The following HSPA4L variants were observed in gnomAD, a reference collection of about 807,000 sequenced individuals.
The protein encoded by HSPA4L is heat shock 70 kDa protein 4L.
A neutral mutation model predicts 100.3 loss-of-function variants in HSPA4L; 48 were observed. The observed-to-expected ratio is 0.48, with a 90% CI of 0.38 to 0.61. The LOEUF (loss-of-function observed/expected upper bound fraction) is 0.61, where lower values mean the gene tolerates loss of function less well. Ranked by LOEUF, HSPA4L falls within the 20% of genes least tolerant of loss-of-function variation. The pLI, the probability that HSPA4L is intolerant of heterozygous loss-of-function variation, is 0.00. For missense variants in HSPA4L, 886 were observed against 988.6 expected, an observed-to-expected ratio of 0.90 and a Z score of 1.39; for synonymous variants, 319 against 328.2, an observed-to-expected ratio of 0.97 and a Z score of 0.30.
intron 15 of HSPA4L, among the ~76,000 whole-genome samples, chr4:127,823,154 T>A (rs890486769): frequency 2.0e-5 from 3 of 151,936 alleles, no homozygotes; most frequent in African/African-American, 7.3e-5. Context: ...ATTTTTTTTT[T>A]ATTTATTTAT....
intron 1 of HSPA4L, chr4:127,783,586 A>AAT (rs1732629897): frequency 1.3e-6 from 2 of 1,532,474 alleles, no homozygotes; most frequent in South Asian, 2.4e-5. Context: ...GTAATTCTGA[A>AAT]ATATGAAAAA....
At chr4:127,812,300 T>TCAG (rs1733553049) in intron 12 of HSPA4L, among the ~76,000 whole-genome samples, 1 of 151,176 alleles carries the variant, frequency 6.6e-6, no homozygotes, top group Non-Finnish European at 1.5e-5. Context: ...TCCCAGCTAC[T>TCAG]CAGGAGGCTG....
intron 17 of HSPA4L, 63 bp downstream of exon 17, chr4:127,827,487 A>C: frequency 6.4e-7 from 1 of 1,570,718 alleles, no homozygotes; most frequent in Admixed American, 1.7e-5. Context: ...AATGGGGCAA[A>C]TCTAAAAGTT....
chr4:127,813,100 T>G (rs138877801), intron 12 of HSPA4L: 679 of 1,260,344 alleles, frequency 5.4e-4, no homozygotes, highest in Non-Finnish European at 7.5e-4. Context: ...ACCTTTCTTA[T>G]AGATTCGCAT....
chr4:127,786,613 A>C (rs1560649270), intron 1 of HSPA4L, among the ~76,000 whole-genome samples: 1 of 152,120 alleles, frequency 6.6e-6, no homozygotes, highest in Non-Finnish European at 1.5e-5. Flanking sequence ...CTACAGGTGC[A>C]TGCCACCATG....
chr4:127,806,192 C>T (rs1482308751), intron 10 of HSPA4L, among the ~76,000 whole-genome samples: 2 of 151,906 alleles, frequency 1.3e-5, no homozygotes, highest in Non-Finnish European at 2.9e-5. Context: ...CTATAAATCT[C>T]TAGTGCAACT....
chr4:127,783,849 C>A (rs1732637780), intron 1 of HSPA4L, among the ~76,000 whole-genome samples: 1 of 152,170 alleles, frequency 6.6e-6, no homozygotes, highest in African/African-American at 2.4e-5. Flanking sequence ...TTGAAGCAGT[C>A]TGTGCTTTGA....
Position 127,832,836 on chromosome 4 carries a change from C to T in HSPA4L, c.2482C>T (p.Gln828Ter), listed in dbSNP as rs1352590186. 6.2e-7 allele frequency: 1 copy of T among 1,612,342 alleles called. No individual in the cohort carries two copies. The highest frequency in any genetic ancestry group is 1.3e-5 in the African/African-American group (1 of 74,872). Residue 828 changes from glutamine (Q) to a stop codon, truncating the protein, a stop_gained, in exon 19 of 19, where the codon CAG becomes TAG. Coordinates refer to ENST00000296464, the MANE Select transcript of HSPA4L (RefSeq NM_014278.4). LOFTEE classifies it high-confidence loss of function. ...ATCAGATTCAACAAAAGACAGCTCACAGCATACTAAATCCTCTGGAGAGAT... is the reference window on the plus strand; with the variant it reads ...ATCAGATTCAACAAAAGACAGCTCATAGCATACTAAATCCTCTGGAGAGAT... ...TKSDSTKDSSQHTKSSGEMEV... is the reference protein window; with the variant it reads ...TKSDSTKDSS
Position 127,788,777 on chromosome 4 carries a change from A to C in HSPA4L, c.108-5300A>C, listed in dbSNP as rs552620742. 7.9e-5 allele frequency among the ~76,000 whole-genome samples: 12 copies of C among 152,356 alleles called. No homozygotes were observed. The East Asian group carries it at 2.1e-3, about 27-fold the overall frequency. On this transcript the variant is annotated intron_variant, in intron 1 of 18. Coordinates refer to ENST00000296464, the MANE Select transcript of HSPA4L (RefSeq NM_014278.4). ...CTCCTAATATCCGACAGTGCATTAC[A>C]GTACAGCCCCAGTGACCCAACAAAG...
chr4:127,810,902 T>C (rs1578708343), intron 11 of HSPA4L, among the ~76,000 whole-genome samples: 1 of 152,278 alleles, frequency 6.6e-6, no homozygotes, highest in Non-Finnish European at 1.5e-5. Flanking sequence ...ATAGATAATA[T>C]ATATATGAGA....
intron 1 of HSPA4L, among the ~76,000 whole-genome samples, chr4:127,785,419 G>A (rs1239195245): frequency 2.0e-5 from 3 of 151,794 alleles, no homozygotes; most frequent in Admixed American, 2.0e-4. Context: ...TTTACTTTAT[G>A]TTTAGTAACC....
In HSPA4L at chr4:127,820,522, G is replaced by A; in HGVS notation, c.1769G>A (p.Arg590Lys). Residue 590 changes from arginine to lysine, a missense_variant, in exon 14 of 19, where the codon AGA (arginine) becomes AAA (lysine). Transcript: ENST00000296464. ...IDLPIQSSLC[R>K]QLGQDLLNSY... ...CTACCGATCCAGAGTAGCCTATGTA[G>A]ACAACTAGGCCAAGATCTTCTCAAC... The A allele has an allele frequency of 6.2e-7, 1 of 1,600,998 alleles. No homozygotes were observed. Among genetic ancestry groups the A allele is most frequent in the East Asian group, 2.3e-5 (1 of 43,916 alleles).
At position 127,837,527 on chromosome 4, in the gene HSPA4L, G is replaced by A. The variant is rs980248264; in HGVS notation, c.*4653G>A. ...TGTTTTGCAAAAATCAGTCCACTTA[G>A]CAAACTAATCTTTGTAAAGCAGTCA... On this transcript the variant is annotated 3_prime_UTR_variant, in exon 19 of 19. Transcript: ENST00000296464. 1 of 152,090 alleles carries A rather than the reference G, an allele frequency of 6.6e-6. No individual in the cohort carries two copies. The highest frequency in any genetic ancestry group is 2.4e-5 in the African/African-American group (1 of 41,396). The allele number at this position is 152,090 out of a possible 1,614,324, so 9.4% of individuals were successfully genotyped here. A position where few individuals can be genotyped will look rare whatever the true frequency, so the allele number is the denominator to read the frequency against.
At chr4:127,792,645 T>TA (rs1732909465) in intron 1 of HSPA4L, among the ~76,000 whole-genome samples, 1 of 152,216 alleles carries the variant, frequency 6.6e-6, no homozygotes, top group African/African-American at 2.4e-5. Flanking sequence ...GGATACCTGT[T>TA]ACCTTGCCTT....
chr4:127,781,886 C>T (rs1732560834), upstream of HSPA4L: 3 of 342,998 alleles, frequency 8.7e-6, no homozygotes, highest in South Asian at 4.1e-5. Context: ...GAGGGGGCGG[C>T]GCCCGCCAGC....
chr4:127,832,748 C>T lies in HSPA4L; in HGVS notation c.2394C>T (p.Asp798=). 2 of 1,613,300 alleles carry T rather than the reference C, an allele frequency of 1.2e-6. No individual in the cohort carries two copies. The highest frequency in any genetic ancestry group is 1.7e-6 in the Non-Finnish European group (2 of 1,179,580). The change falls in exon 19 of 19, where the codon GAC becomes GAT. Residue 798 remains aspartate, a synonymous_variant. Transcript: ENST00000296464. ...KPKPKAEVPE[D]KPKANSEHNG... Reference sequence around the variant, plus strand: ...AACCAAAAGCAGAAGTTCCTGAAGACAAACCAAAAGCTAATAGTGAACACA... The same window carrying T: ...AACCAAAAGCAGAAGTTCCTGAAGATAAACCAAAAGCTAATAGTGAACACA...
At chr4:127,827,905 A>T (rs1049197553) in intron 17 of HSPA4L, among the ~76,000 whole-genome samples, 2 of 152,214 alleles carry the variant, frequency 1.3e-5, no homozygotes, top group Admixed American at 6.5e-5. Flanking sequence ...TACATATTCA[A>T]ATCTATATAA....
intron 11 of HSPA4L, chr4:127,809,458 C>T (rs1187035920): frequency 1.7e-6 from 2 of 1,187,048 alleles, no homozygotes; most frequent in African/African-American, 1.5e-5. Context: ...CCTGTTTTAC[C>T]TCGCCTTGAC....
At position 127,783,181 on chromosome 4, in the gene HSPA4L, C is replaced by CT. The variant is rs11301869; in HGVS notation, c.107+538dup. Among the ~76,000 whole-genome samples, 978 of 146,064 alleles carry CT rather than the reference C, an allele frequency of 6.7e-3. 10 individuals carry two copies. Among genetic ancestry groups the CT allele is most frequent in the African/African-American group, 0.021 (839 of 39,356 alleles). ...TGCAGGTTCATCTGGCCCCGAAAGC[C>CT]TTTTTTTTTTTTTTAAGGGCGGGGA... On this transcript the variant is annotated intron_variant, in intron 1 of 18. Coordinates refer to ENST00000296464, the MANE Select transcript of HSPA4L (RefSeq NM_014278.4).
Sources: gnomAD v4.1 joint callset for allele counts (sites outside exome capture counted in the v4.1 genomes callset) on GRCh38, gnomAD v4.1.1 for gene constraint, MANE v1.5 for transcripts, NCBI Gene and HGNC (gene_info 2026-07-23, HGNC 2026-07-21) for gene names.